PSMD9: variants seen among roughly 807,000 people sequenced by gnomAD.
The protein encoded by PSMD9 is 26S proteasome non-ATPase regulatory subunit 9.
In PSMD9, 26 loss-of-function variants were observed where a neutral mutation model predicts 25.9. The ratio of observed to expected loss-of-function variants is 1.00; its 90% CI spans 0.73 to 1.39. The LOEUF is 1.39. Among genes scored for constraint, PSMD9 ranks in the 40% most tolerant of loss-of-function variants. The pLI is 0.00. For missense variants in PSMD9, 303 were observed against 299.3 expected (o/e 1.01, Z -0.09); for synonymous variants, 110 against 114.5 (o/e 0.96, Z 0.25).
At chr12:121,915,652 T>C (rs1237473589) in intron 4 of PSMD9, 1 of 535,336 alleles carries the variant, frequency 1.9e-6, no homozygotes, top group Non-Finnish European at 3.3e-6. Flanking sequence ...CACGTGTTTT[T>C]TGAGGAAGAT....
At chr12:121,901,980 C>T (rs576275230) in intron 3 of PSMD9, 38 of 152,268 alleles carry the variant, frequency 2.5e-4, no homozygotes, top group African/African-American at 7.9e-4. Flanking sequence ...TGTGCCTGGC[C>T]CTTCATTCCT....
chr12:121,896,823 T>G (rs1466300623), intron 2 of PSMD9, among the ~76,000 whole-genome samples: 19 of 123,612 alleles, frequency 1.5e-4, no homozygotes, highest in Admixed American at 6.5e-4. Context: ...GCAACAAGAG[T>G]GAAACTCTGT....
intron 4 of PSMD9, chr12:121,911,037 GT>G (rs1280272498): frequency 2.2e-6 from 1 of 452,196 alleles, no homozygotes; most frequent in South Asian, 1.6e-5. Flanking sequence ...TAGTTTTTTT[GT>G]TTTGTTTTGT....
intron 1 of PSMD9, among the ~76,000 whole-genome samples, chr12:121,893,628 G>A (rs945709884): frequency 3.3e-5 from 5 of 152,088 alleles, no homozygotes; most frequent in East Asian, 3.8e-4. Flanking sequence ...GACTGCTGGC[G>A]GTCCTTGGCC....
intron 4 of PSMD9, among the ~76,000 whole-genome samples, chr12:121,906,246 TGG>T (rs1879550486): frequency 6.6e-6 from 1 of 152,302 alleles, no homozygotes; most frequent in East Asian, 1.9e-4. Context: ...GCTGTCTTGG[TGG>T]GCTGGAGGAT....
intron 3 of PSMD9, chr12:121,902,251 T>TC (rs1260499813): frequency 2.0e-5 from 3 of 151,790 alleles, no homozygotes; most frequent in African/African-American, 7.3e-5. Flanking sequence ...GACACATAGT[T>TC]CCTGCCAGGT....
chr12:121,899,797 C>T lies in PSMD9; in HGVS notation c.405C>T (p.Ala135=). ...GTGAGAGCCAGGGCCCTCCACGGGCCTTCGCCAAAGTGAACAGCATCAGCC... is the reference window on the plus strand; with the variant it reads ...GTGAGAGCCAGGGCCCTCCACGGGCTTTCGCCAAAGTGAACAGCATCAGCC... ...GQSESQGPPR[A]FAKVNSISPG... The change falls in exon 3 of 6, where the codon GCC becomes GCT. Residue 135 remains alanine, a synonymous_variant. Transcript: ENST00000541212. 4 of 1,614,096 alleles carry T rather than the reference C, an allele frequency of 2.5e-6. No individual in the cohort carries two copies. Among genetic ancestry groups the T allele is most frequent in the Non-Finnish European group, 3.4e-6 (4 of 1,179,946 alleles).
intron 1 of PSMD9, among the ~76,000 whole-genome samples, chr12:121,889,214 C>A (rs1051037389): frequency 6.6e-6 from 1 of 152,174 alleles, no homozygotes; most frequent in Non-Finnish European, 1.5e-5. Context: ...TTTGTGGAGC[C>A]CTGCTGTGTG....
chr12:121,891,424 C>T (rs1879073098), intron 1 of PSMD9, among the ~76,000 whole-genome samples: 1 of 149,292 alleles, frequency 6.7e-6, no homozygotes, highest in South Asian at 2.1e-4. Context: ...CACAGTGAAA[C>T]CCCGTCTCTA....
chr12:121,913,082 G>A (rs1351090405), intron 4 of PSMD9, among the ~76,000 whole-genome samples: 4 of 151,552 alleles, frequency 2.6e-5, no homozygotes, highest in East Asian at 2.0e-4. Context: ...GACTACAGGC[G>A]TCCACCACCA....
intron 1 of PSMD9, among the ~76,000 whole-genome samples, chr12:121,889,532 C>G (rs1390887797): frequency 6.6e-6 from 1 of 152,086 alleles, no homozygotes; most frequent in Non-Finnish European, 1.5e-5. Context: ...CTGATTGTAT[C>G]GTGAATTCTT....
intron 4 of PSMD9, among the ~76,000 whole-genome samples, chr12:121,909,706 T>A (rs1720035): frequency 2.0e-5 from 3 of 151,984 alleles, no homozygotes; most frequent in African/African-American, 4.8e-5. Context: ...AGGGAATTCC[T>A]TGTCGGCACA....
intron 4 of PSMD9, among the ~76,000 whole-genome samples, chr12:121,906,793 C>T (rs906888000): frequency 1.3e-5 from 2 of 148,830 alleles, no homozygotes; most frequent in African/African-American, 5.0e-5. Context: ...CAGCCTGGGC[C>T]GCACAGCGAG....
At chr12:121,913,238 C>A (rs1879790490) in intron 4 of PSMD9, among the ~76,000 whole-genome samples, 1 of 151,852 alleles carries the variant, frequency 6.6e-6, no homozygotes, top group African/African-American at 2.4e-5. Context: ...GCCACCGCGC[C>A]TGGCCTTTTT....
intron 1 of PSMD9, among the ~76,000 whole-genome samples, chr12:121,890,845 A>G (rs1453178636): frequency 6.6e-6 from 1 of 152,046 alleles, no homozygotes; most frequent in Non-Finnish European, 1.5e-5. Context: ...TCTTAAATAT[A>G]AGGTCAGATG....
chr12:121,910,855 A>C, intron 4 of PSMD9: 2 of 431,640 alleles, frequency 4.6e-6, no homozygotes, highest in South Asian at 3.3e-5. Context: ...ACCCCTACCC[A>C]TCTCCCATCT....
chr12:121,899,492 T>G (rs1431825481), intron 2 of PSMD9, 142 bp from the exon 3 acceptor site: 14 of 726,910 alleles, frequency 1.9e-5, no homozygotes, highest in Non-Finnish European at 3.0e-5. Context: ...GAATGTCCTC[T>G]GTCTTGGTCA....
At position 121,888,887 on chromosome 12, in the gene PSMD9, G is replaced by T; in HGVS notation, c.31G>T (p.Gly11Cys). 1 of 1,603,090 alleles carries T rather than the reference G, an allele frequency of 6.2e-7. No individual in the cohort carries two copies. The highest frequency in any genetic ancestry group is 1.3e-5 in the African/African-American group (1 of 74,970). The change falls in exon 1 of 6, where the codon GGC (glycine) becomes TGC (cysteine). Residue 11 changes from glycine to cysteine, a missense_variant. Gly to Cys is a radical substitution (Grantham distance 159). Transcript: ENST00000541212. MSDEEARQSG[G>C]SSQAGVVTVS... ...CGACGAGGAAGCGAGGCAGAGCGGA[G>T]GCTCCTCGCAGGCCGGCGTCGTGAC...
intron 2 of PSMD9, among the ~76,000 whole-genome samples, chr12:121,895,953 A>G (rs1287119756): frequency 6.6e-6 from 1 of 152,084 alleles, no homozygotes; most frequent in Non-Finnish European, 1.5e-5. Context: ...TTTTTCACTT[A>G]CTAACTCCTC....
Sources: gnomAD v4.1 joint callset for allele counts (sites outside exome capture counted in the v4.1 genomes callset) on GRCh38, gnomAD v4.1.1 for gene constraint, MANE v1.5 for transcripts, NCBI Gene and HGNC (gene_info 2026-07-23, HGNC 2026-07-21) for gene names.